The following PLCB4 variants were observed in gnomAD, a reference collection of about 807,000 sequenced individuals.
PLCB4 encodes phospholipase C beta 4.
A neutral mutation model predicts 178.8 loss-of-function variants in PLCB4; 77 were observed. The ratio of observed to expected loss-of-function variants is 0.43; its 90% CI spans 0.36 to 0.52. The LOEUF (loss-of-function observed/expected upper bound fraction) is 0.52, where lower values mean the gene tolerates loss of function less well. PLCB4 is among the 20% of genes least tolerant of loss of function. The probability of loss-of-function intolerance (pLI) is 0.00; values close to 1 mark genes in which losing one functional copy is unlikely to be tolerated. For synonymous variants in PLCB4, 496 were observed against 490.8 expected, an observed-to-expected ratio of 1.01 and a Z score of -0.14; for missense variants, 1,024 against 1,453.4, an observed-to-expected ratio of 0.70 and a Z score of 4.80.
chr20:9,120,912 C>T (rs981613281), intron 2 of PLCB4, among the ~76,000 whole-genome samples: 1 of 152,146 alleles, frequency 6.6e-6, no homozygotes, highest in African/African-American at 2.4e-5. Flanking sequence ...CTTGAGGTCC[C>T]CACCTGAGCT....
rs1358566565 is a variant in PLCB4, at chr20:9,380,047, A to G, written c.745-7A>G. On this transcript the variant is annotated splice_polypyrimidine_tract_variant and splice_region_variant and intron_variant, in intron 12 of 39. Coordinates refer to ENST00000378473, the MANE Select transcript of PLCB4 (RefSeq NM_001377142.1). ...TCAACCTAAATGGAGTTATTTTCTT[A>G]TCATAGCATCAACGAGATCCTCGAT... The G allele has an allele frequency of 1.4e-6, 2 of 1,480,180 alleles. No individual in the cohort carries two copies. The highest frequency in any genetic ancestry group is 1.9e-6 in the Non-Finnish European group (2 of 1,066,316). The allele number at this position is 1,480,180 out of a possible 1,614,324, so 91.7% of individuals were successfully genotyped here.
intron 4 of PLCB4, among the ~76,000 whole-genome samples, chr20:9,325,327 C>T (rs1374625920): frequency 6.6e-6 from 1 of 152,124 alleles, no homozygotes; most frequent in Non-Finnish European, 1.5e-5. Context: ...ATTTTAGTTG[C>T]TAAGGCAACT....
At chr20:9,184,097 G>T (rs952228604) in intron 2 of PLCB4, among the ~76,000 whole-genome samples, 1 of 152,104 alleles carries the variant, frequency 6.6e-6, no homozygotes, top group Non-Finnish European at 1.5e-5. Context: ...CAGAAGATGG[G>T]ACGTTTCAAA....
At chr20:9,427,155 G>T (rs1447027572) in intron 28 of PLCB4, among the ~76,000 whole-genome samples, 1 of 152,100 alleles carries the variant, frequency 6.6e-6, no homozygotes, top group Non-Finnish European at 1.5e-5. Context: ...TACCTGGGAG[G>T]CAGAGGTTGA....
chr20:9,070,006 G>C (rs1015729131), intron 1 of PLCB4, among the ~76,000 whole-genome samples: 10 of 151,774 alleles, frequency 6.6e-5, no homozygotes, highest in Non-Finnish European at 1.2e-4. Flanking sequence ...ATTTAATTTT[G>C]GCCAGAATAT....
chr20:9,438,794 A>C (rs1381523412), intron 30 of PLCB4, among the ~76,000 whole-genome samples: 1 of 152,202 alleles, frequency 6.6e-6, no homozygotes, highest in Non-Finnish European at 1.5e-5. Flanking sequence ...ACCAGGGGTG[A>C]TTGGATGATG....
chr20:9,465,164 A>C (rs1438867371), intron 35 of PLCB4, among the ~76,000 whole-genome samples: 1 of 152,238 alleles, frequency 6.6e-6, no homozygotes, highest in Non-Finnish European at 1.5e-5. Flanking sequence ...TCCATCACGT[A>C]AACAGAACCA....
At chr20:9,284,403 A>C (rs1274362264) in intron 3 of PLCB4, among the ~76,000 whole-genome samples, 4 of 151,968 alleles carry the variant, frequency 2.6e-5, no homozygotes, top group Non-Finnish European at 5.9e-5. Context: ...GGAAAGGAAT[A>C]GGAGATGAAT....
At chr20:9,314,539 G>A (rs950592970) in intron 4 of PLCB4, among the ~76,000 whole-genome samples, 1 of 152,132 alleles carries the variant, frequency 6.6e-6, no homozygotes, top group African/African-American at 2.4e-5. Context: ...TGCCAGAGAA[G>A]GGGGTACATG....
chr20:9,154,149 G>T (rs901563383), intron 2 of PLCB4, among the ~76,000 whole-genome samples: 4 of 152,250 alleles, frequency 2.6e-5, no homozygotes, highest in African/African-American at 9.6e-5. Flanking sequence ...CATGTGCAGC[G>T]AGGAGGGATT....
chr20:9,271,574 TCTATAA>T (rs2094402692), intron 3 of PLCB4, among the ~76,000 whole-genome samples: 2 of 152,170 alleles, frequency 1.3e-5, no homozygotes, highest in Non-Finnish European at 2.9e-5. Context: ...ATTATGTGCA[TCTATAA>T]TTAAGATGAC....
At chr20:9,123,497 GC>G (rs2092027061) in intron 2 of PLCB4, among the ~76,000 whole-genome samples, 1 of 150,636 alleles carries the variant, frequency 6.6e-6, no homozygotes, top group Non-Finnish European at 1.5e-5. Flanking sequence ...TGTGAAGAGT[GC>G]CCCTTAAAGT....
chr20:9,292,847 G>A (rs2094592535), intron 3 of PLCB4, among the ~76,000 whole-genome samples: 1 of 152,176 alleles, frequency 6.6e-6, no homozygotes, highest in Non-Finnish European at 1.5e-5. Flanking sequence ...GGAAGGCAAA[G>A]GCAGGTGGAT....
intron 4 of PLCB4, among the ~76,000 whole-genome samples, chr20:9,320,394 T>G (rs2147954957): frequency 6.6e-6 from 1 of 152,326 alleles, no homozygotes; most frequent in African/African-American, 2.4e-5. Flanking sequence ...CACTTTCTTC[T>G]AGCCATCCTA....
At chr20:9,441,952 C>A (rs2148665964) in intron 30 of PLCB4, among the ~76,000 whole-genome samples, 1 of 151,618 alleles carries the variant, frequency 6.6e-6, no homozygotes, top group East Asian at 1.9e-4. Context: ...GGATTAAGAA[C>A]ACCCAGCTCC....
intron 3 of PLCB4, among the ~76,000 whole-genome samples, chr20:9,304,642 A>C (rs1328188290): frequency 6.6e-6 from 1 of 152,040 alleles, no homozygotes; most frequent in Non-Finnish European, 1.5e-5. Flanking sequence ...CCTGTTTGTG[A>C]CTTTGCTAAT....
chr20:9,304,283 A>G (rs183647313), intron 3 of PLCB4, among the ~76,000 whole-genome samples: 1 of 151,158 alleles, frequency 6.6e-6, no homozygotes, highest in African/African-American at 2.4e-5. Context: ...GATGTTGTAC[A>G]CTCTCTGTCA....
chr20:9,475,727 G>T (rs1175631239), intron 38 of PLCB4, among the ~76,000 whole-genome samples: 1 of 152,048 alleles, frequency 6.6e-6, no homozygotes, highest in Non-Finnish European at 1.5e-5. Flanking sequence ...ACATTTTTTG[G>T]CATTTAAGGG....
chr20:9,243,460 A>G (rs944021628), intron 3 of PLCB4, among the ~76,000 whole-genome samples: 1 of 152,140 alleles, frequency 6.6e-6, no homozygotes, highest in Non-Finnish European at 1.5e-5. Flanking sequence ...TCCATTTGGG[A>G]TTTCATGGGA....
Sources: gnomAD v4.1 joint callset for allele counts (sites outside exome capture counted in the v4.1 genomes callset) on GRCh38, gnomAD v4.1.1 for gene constraint, MANE v1.5 for transcripts, NCBI Gene and HGNC (gene_info 2026-07-23, HGNC 2026-07-21) for gene names.